The following AGBL1 variants were observed in gnomAD, a reference collection of about 807,000 sequenced individuals.
The protein encoded by AGBL1 is cytosolic carboxypeptidase 4.
A neutral mutation model predicts 118.9 loss-of-function variants in AGBL1; 130 were observed. The ratio of observed to expected loss-of-function variants is 1.09; its 90% CI spans 0.95 to 1.26. The LOEUF (loss-of-function observed/expected upper bound fraction) is 1.26. AGBL1 is among the 50% of genes most tolerant of loss of function. The pLI is 0.00. For synonymous variants in AGBL1, 555 were observed against 478.9 expected, an observed-to-expected ratio of 1.16 and a Z score of -2.08; for missense variants, 1,584 against 1,298.1, an observed-to-expected ratio of 1.22 and a Z score of -3.38.
intron 17 of AGBL1, among the ~76,000 whole-genome samples, chr15:86,364,687 G>A (rs2080853236): frequency 6.6e-6 from 1 of 151,858 alleles, no homozygotes; most frequent in Non-Finnish European, 1.5e-5. Flanking sequence ...AACAATGTGT[G>A]CCCTTAGCAT....
chr15:86,938,431 C>T lies in AGBL1; in HGVS notation c.3222-49556C>T, dbSNP rs551544211. On this transcript the variant is annotated intron_variant, in intron 23 of 24. Coordinates refer to the AGBL1 transcript ENST00000441037. The stretch of plus-strand genomic sequence containing the variant: ...GCTACTAAAATAATCATAGTAATTG[C>T]CTACCTCCCTGATCTTTTGGAGAAA... 4.2e-4 allele frequency among the ~76,000 whole-genome samples: 64 copies of T among 152,218 alleles called. No homozygotes were observed. The South Asian group carries it at 7.5e-3, about 18-fold the overall frequency.
At chr15:86,755,457 A>T (rs1415346162) in intron 22 of AGBL1, among the ~76,000 whole-genome samples, 5 of 152,074 alleles carry the variant, frequency 3.3e-5, no homozygotes, top group African/African-American at 4.8e-5. Flanking sequence ...AATGCCAGGA[A>T]CAAGAAGTTG....
chr15:86,242,989 A>C (rs2078663525), intron 6 of AGBL1, among the ~76,000 whole-genome samples: 1 of 152,216 alleles, frequency 6.6e-6, no homozygotes. Flanking sequence ...TTCACGAGCT[A>C]GGCAGGTAAT....
At chr15:86,558,255 C>T (rs553651625) in intron 21 of AGBL1, among the ~76,000 whole-genome samples, 1 of 152,316 alleles carries the variant, frequency 6.6e-6, no homozygotes, top group Admixed American at 6.5e-5. Flanking sequence ...TGGTTGTTCA[C>T]AGCTGTGTCT....
chr15:86,146,422 T>G (rs1027444940), intron 3 of AGBL1, among the ~76,000 whole-genome samples: 2 of 152,190 alleles, frequency 1.3e-5, no homozygotes, highest in African/African-American at 2.4e-5. Flanking sequence ...ATCAGGGACT[T>G]GAGCATCTGT....
At chr15:86,448,117 C>T (rs866756612) in intron 18 of AGBL1, among the ~76,000 whole-genome samples, 1 of 152,090 alleles carries the variant, frequency 6.6e-6, no homozygotes, top group African/African-American at 2.4e-5. Context: ...TGCACTCCAG[C>T]CTGGACGACA....
Position 86,514,291 on chromosome 15 carries a change from G to T in AGBL1, c.2556-8519G>T, listed in dbSNP as rs917919953. ...TCCTTTCTGTAACAGTGAGAAACCT[G>T]GTTGTTGTTATTCATAATTGATTTA... On this transcript the variant is annotated intron_variant, in intron 18 of 22. Coordinates refer to ENST00000614907, the MANE Select transcript of AGBL1 (RefSeq NM_001386094.1). 2.0e-5 allele frequency among the ~76,000 whole-genome samples: 3 copies of T among 152,054 alleles called. No individual in the cohort carries two copies. In the South Asian group the frequency reaches 6.2e-4, roughly 32 times the overall value.
At chr15:86,327,373 T>A (rs1449070191) in intron 17 of AGBL1, among the ~76,000 whole-genome samples, 1 of 152,252 alleles carries the variant, frequency 6.6e-6, no homozygotes, top group Non-Finnish European at 1.5e-5. Context: ...TTGACACATG[T>A]TAGCTAGATA....
chr15:86,780,975 T>C (rs551078202), intron 22 of AGBL1, among the ~76,000 whole-genome samples: 1 of 152,312 alleles, frequency 6.6e-6, no homozygotes, highest in Admixed American at 6.5e-5. Context: ...GAATTTAACT[T>C]CTTTTAATTG....
At chr15:86,895,009 A>G (rs555874996) in intron 22 of AGBL1, among the ~76,000 whole-genome samples, 12 of 148,892 alleles carry the variant, frequency 8.1e-5, no homozygotes, top group Non-Finnish European at 1.8e-4. Context: ...GGGACATCTA[A>G]CAACAGTGTT....
chr15:86,277,477 C>T (rs1238196730), intron 15 of AGBL1, among the ~76,000 whole-genome samples: 1 of 152,096 alleles, frequency 6.6e-6, no homozygotes, highest in East Asian at 1.9e-4. Flanking sequence ...CATTTCACTG[C>T]AGCTGTTTTT....
At position 86,079,937 on chromosome 15, in the gene AGBL1, GC is replaced by G. The variant is rs1895154456; in HGVS notation, c.-34del. ...CCGCTGCCTCTCCAGCCTGGATCTG[GC>G]CGCAGGCAGCGGTTCCCTAGGACCC... On this transcript the variant is annotated 5_prime_UTR_variant, in exon 1 of 23. Transcript: ENST00000614907. The G allele has an allele frequency of 1.3e-5, 16 of 1,229,846 alleles. No homozygotes were observed. Among genetic ancestry groups the G allele is most frequent in the Non-Finnish European group, 1.5e-5 (15 of 985,902 alleles). The allele number at this position is 1,229,846 out of a possible 1,614,324, so 76.2% of individuals were successfully genotyped here.
At chr15:86,803,613 GA>G (rs2078679117) in intron 22 of AGBL1, among the ~76,000 whole-genome samples, 1 of 152,080 alleles carries the variant, frequency 6.6e-6, no homozygotes, top group Non-Finnish European at 1.5e-5. Context: ...ATCTCTCCTT[GA>G]GTTGTACCTA....
At chr15:86,137,744 C>T (rs1344262250) in intron 1 of AGBL1, among the ~76,000 whole-genome samples, 1 of 152,128 alleles carries the variant, frequency 6.6e-6, no homozygotes, top group Non-Finnish European at 1.5e-5. Flanking sequence ...AACCATGGCC[C>T]ATTCCCTGGG....
At chr15:86,574,849 A>G (rs2084063437) in intron 21 of AGBL1, among the ~76,000 whole-genome samples, 1 of 149,648 alleles carries the variant, frequency 6.7e-6, no homozygotes, top group South Asian at 2.2e-4. Context: ...AAGTGCTGGG[A>G]TTATAGATGT....
At chr15:86,471,146 T>C (rs1050550937) in intron 18 of AGBL1, among the ~76,000 whole-genome samples, 3 of 152,186 alleles carry the variant, frequency 2.0e-5, no homozygotes, top group Non-Finnish European at 4.4e-5. Flanking sequence ...CTGAATATAA[T>C]GTTAGTTGTG....
In AGBL1 at chr15:86,619,196, G is replaced by A. The variant is rs778139696; in HGVS notation, c.2995-55077G>A. On this transcript the variant is annotated intron_variant, in intron 21 of 22. Coordinates refer to ENST00000614907, the MANE Select transcript of AGBL1 (RefSeq NM_001386094.1). ...AGAGATACTTATTATCAATTATAAC[G>A]TCAAGCATATAATAAGTACTCAATA... Among the ~76,000 whole-genome samples the A allele has an allele frequency of 9.9e-5, 15 of 152,148 alleles. No individual in the cohort carries two copies. The South Asian group carries it at 2.1e-3, about 21-fold the overall frequency.
chr15:86,447,065 A>G (rs1487854363), intron 18 of AGBL1, among the ~76,000 whole-genome samples: 1 of 151,470 alleles, frequency 6.6e-6, no homozygotes, highest in East Asian at 2.0e-4. Flanking sequence ...ATAAATCTGA[A>G]TTTTTTGTTT....
intron 17 of AGBL1, among the ~76,000 whole-genome samples, chr15:86,355,139 G>T (rs1392714608): frequency 6.6e-6 from 1 of 152,178 alleles, no homozygotes; most frequent in East Asian, 1.9e-4. Flanking sequence ...GGCTTCTATT[G>T]TACAGACCTG....
Sources: allele counts gnomAD v4.1 joint callset (sites outside exome capture counted in the v4.1 genomes callset), GRCh38; gene constraint gnomAD v4.1.1; transcripts MANE v1.5; gene names NCBI Gene and HGNC (gene_info 2026-07-23, HGNC 2026-07-21).